Variants in CSMD3 observed in about 807,000 individuals in gnomAD.
CSMD3 encodes CUB and sushi domain-containing protein 3.
Under a neutral mutation model 435.2 loss-of-function variants are expected in CSMD3, and 177 were observed. The ratio of observed to expected loss-of-function variants is 0.41; its 90% CI spans 0.36 to 0.46. The LOEUF (loss-of-function observed/expected upper bound fraction) is 0.46. Ranked by LOEUF, CSMD3 falls within the 20% of genes least tolerant of loss-of-function variation. CSMD3 has a pLI of 0.34. For synonymous variants in CSMD3, 1,656 were observed against 1,520.5 expected (o/e 1.09, Z -2.07); for missense variants, 4,265 against 4,504.6 (o/e 0.95, Z 1.52).
At chr8:112,292,854 C>T (rs1383178723) in intron 54 of CSMD3, 144 bp from the exon 55 acceptor site, 15 of 733,642 alleles carry the variant, frequency 2.0e-5, no homozygotes, top group Non-Finnish European at 3.1e-5. Flanking sequence ...ACGGAAAGTA[C>T]ATTTACTAAT....
At chr8:112,510,574 C>T (rs184299201) in intron 28 of CSMD3, among the ~76,000 whole-genome samples, 18 of 152,298 alleles carry the variant, frequency 1.2e-4, no homozygotes, top group African/African-American at 4.3e-4. Flanking sequence ...TCTCTCTAAA[C>T]CATTATGGTA....
At position 113,435,216 on chromosome 8, in the gene CSMD3, T is replaced by C. The variant is rs897469000; in HGVS notation, c.178+1461A>G. Among the ~76,000 whole-genome samples, 10 of 152,296 alleles carry C rather than the reference T, an allele frequency of 6.6e-5. No individual in the cohort carries two copies. In the East Asian group the frequency reaches 1.9e-3, roughly 29 times the overall value. ...TAGGACAAGCTTTTCGGCTCAGAGC[T>C]GCTCTGAGGCCCCAGAGAGAAAAGA... On this transcript the variant is annotated intron_variant, in intron 1 of 70. Coordinates refer to ENST00000297405, the MANE Select transcript of CSMD3 (RefSeq NM_198123.2).
intron 11 of CSMD3, among the ~76,000 whole-genome samples, chr8:112,833,742 T>C (rs1246554385): frequency 6.6e-6 from 1 of 151,668 alleles, no homozygotes. Context: ...CATACATAGT[T>C]TTATACATTT....
Position 112,395,848 on chromosome 8 carries a change from C to T in CSMD3, c.5810-5060G>A, listed in dbSNP as rs181373417. ...TGGAAGATAAAAACTCAGTCTTCAG[C>T]ATAAGTTTTATTTTTCAGTTTTTCA... On this transcript the variant is annotated intron_variant, in intron 35 of 70. Transcript: ENST00000297405. Among the ~76,000 whole-genome samples, 320 of 152,150 alleles carry T rather than the reference C, an allele frequency of 2.1e-3. 3 individuals carry two copies. Among genetic ancestry groups the T allele is most frequent in the Non-Finnish European group, 3.2e-3 (219 of 67,986 alleles).
intron 3 of CSMD3, among the ~76,000 whole-genome samples, chr8:113,274,093 A>G (rs2093551334): frequency 6.6e-6 from 1 of 152,056 alleles, no homozygotes; most frequent in South Asian, 2.1e-4. Flanking sequence ...ACATTTCTAA[A>G]TAAAGCATAA....
In CSMD3 at chr8:112,682,519, GT is replaced by G; in HGVS notation, c.2599del (p.Thr867ProfsTer16). ...SVICEEGFIK[T>X]QGTETITCIL... ...ACATGTAATTGTTTCTGTTCCCTGG[GT>G]TTTAATAAATCCTTCTTCACAAATA... is the stretch of plus-strand genomic sequence containing the variant. On this transcript the variant is annotated frameshift_variant, in exon 16 of 71. Transcript: ENST00000297405. LOFTEE classifies it high-confidence loss of function. The G allele has an allele frequency of 6.2e-7, 1 of 1,613,512 alleles. No individual in the cohort carries two copies. Among genetic ancestry groups the G allele is most frequent in the Non-Finnish European group, 8.5e-7 (1 of 1,179,664 alleles).
At chr8:112,429,760 T>A (rs904203323) in intron 32 of CSMD3, among the ~76,000 whole-genome samples, 2 of 152,058 alleles carry the variant, frequency 1.3e-5, no homozygotes, top group Admixed American at 1.3e-4. Context: ...TGCTTATGAT[T>A]AAAATATTAA....
intron 11 of CSMD3, among the ~76,000 whole-genome samples, chr8:112,844,835 C>T (rs1235317330): frequency 3.3e-5 from 5 of 151,880 alleles, no homozygotes; most frequent in Non-Finnish European, 7.4e-5. Context: ...TCTCTTTTTC[C>T]TCCCCTATGC....
intron 10 of CSMD3, among the ~76,000 whole-genome samples, chr8:112,906,791 T>C (rs1277476256): frequency 2.0e-5 from 3 of 151,562 alleles, no homozygotes; most frequent in Non-Finnish European, 4.4e-5. Flanking sequence ...TTCAAATTCT[T>C]TCACTGATCA....
chr8:112,396,366 C>T (rs1244151116), intron 35 of CSMD3, among the ~76,000 whole-genome samples: 2 of 152,104 alleles, frequency 1.3e-5, no homozygotes, highest in Non-Finnish European at 1.5e-5. Flanking sequence ...TATATCTAAA[C>T]TGTAAAGGGT....
chr8:112,633,379 G>C (rs916786510), intron 22 of CSMD3, among the ~76,000 whole-genome samples: 1 of 151,992 alleles, frequency 6.6e-6, no homozygotes, highest in African/African-American at 2.4e-5. Flanking sequence ...TCGGAACATT[G>C]TGATAATCAT....
intron 4 of CSMD3, among the ~76,000 whole-genome samples, chr8:113,154,450 T>G (rs2091893699): frequency 6.6e-6 from 1 of 151,762 alleles, no homozygotes; most frequent in Non-Finnish European, 1.5e-5. Context: ...AAACAATGTG[T>G]TTTTTTTAAT....
intron 6 of CSMD3, among the ~76,000 whole-genome samples, chr8:113,015,412 A>G (rs1011305463): frequency 1.3e-4 from 20 of 152,010 alleles, no homozygotes; most frequent in African/African-American, 4.8e-4. Context: ...ATTTGCCTGC[A>G]TAAGAAGAAT....
intron 10 of CSMD3, among the ~76,000 whole-genome samples, chr8:112,897,688 CTCTCTCTG>C (rs1268634679): frequency 2.2e-4 from 20 of 89,982 alleles, no homozygotes; most frequent in East Asian, 1.9e-3. Context: ...CTCTCTCTCT[CTCTCTCTG>C]TGTGTGTGTG....
intron 22 of CSMD3, among the ~76,000 whole-genome samples, chr8:112,599,027 A>AC (rs1832046874): frequency 6.7e-6 from 1 of 149,426 alleles, no homozygotes; most frequent in Non-Finnish European, 1.5e-5. Flanking sequence ...ATGGGATCTA[A>AC]TTAAACTAAA....
At chr8:112,560,750 G>T (rs1366326484) in intron 24 of CSMD3, among the ~76,000 whole-genome samples, 1 of 151,626 alleles carries the variant, frequency 6.6e-6, no homozygotes, top group Non-Finnish European at 1.5e-5. Context: ...TAAAATTTCA[G>T]AACATATTAC....
chr8:112,914,195 T>C (rs1172887109), intron 10 of CSMD3, among the ~76,000 whole-genome samples: 1 of 152,030 alleles, frequency 6.6e-6, no homozygotes, highest in Non-Finnish European at 1.5e-5. Flanking sequence ...ATTTCTGTCT[T>C]CTGTCTTTCC....
intron 38 of CSMD3, among the ~76,000 whole-genome samples, chr8:112,375,669 T>C (rs1262664446): frequency 6.9e-6 from 1 of 144,242 alleles, no homozygotes; most frequent in African/African-American, 2.9e-5. Flanking sequence ...TTAATGATCA[T>C]ATCTTATACA....
chr8:112,307,134 T>G (rs181455021), intron 50 of CSMD3, among the ~76,000 whole-genome samples: 7 of 151,998 alleles, frequency 4.6e-5, no homozygotes, highest in African/African-American at 7.2e-5. Context: ...TGTTTTTTGT[T>G]TTTTTTTGAG....
Sources: gnomAD v4.1 joint callset for allele counts (sites outside exome capture counted in the v4.1 genomes callset) on GRCh38, gnomAD v4.1.1 for gene constraint, MANE v1.5 for transcripts, NCBI Gene and HGNC (gene_info 2026-07-23, HGNC 2026-07-21) for gene names.